The following OXSR1 variants were observed in gnomAD, a reference collection of about 807,000 sequenced individuals.
OXSR1 encodes oxidative stress responsive kinase 1.
Under a neutral mutation model 79.8 loss-of-function variants are expected in OXSR1, and 24 were observed. The observed-to-expected ratio is 0.30, with a 90% confidence interval of 0.22 to 0.42. The LOEUF is 0.42. OXSR1 is among the 10% of genes least tolerant of loss of function. OXSR1 has a pLI of 1.00. For missense variants in OXSR1, 430 were observed against 618.4 expected (o/e 0.70, Z 3.23); for synonymous variants, 226 against 209.2 (o/e 1.08, Z -0.69).
rs1483675226 is a variant in OXSR1 at position 38,200,874 on chromosome 3, C to T, written c.434+2011C>T. Among the ~76,000 whole-genome samples, 8 of 152,208 alleles carry T rather than the reference C, an allele frequency of 5.3e-5. No homozygotes were observed. The East Asian group carries it at 7.7e-4, about 15-fold the overall frequency. On this transcript the variant is annotated intron_variant, in intron 4 of 17. Transcript: ENST00000311806. ...CTTTTCAGAAATGTAGTGATTTATGCGTCTATTAGCAGTACATAAGAATGG... is the reference window on the plus strand; with the variant it reads ...CTTTTCAGAAATGTAGTGATTTATGTGTCTATTAGCAGTACATAAGAATGG...
At chr3:38,199,666 A>G (rs1027726140) in intron 4 of OXSR1, among the ~76,000 whole-genome samples, 16 of 152,110 alleles carry the variant, frequency 1.1e-4, no homozygotes, top group Non-Finnish European at 2.1e-4. Context: ...GGTTCCAATG[A>G]TAATTTGATT....
rs1559529355 is a variant in OXSR1 at position 38,247,656 on chromosome 3, A to G, written c.1258-12A>G. 2 of 1,604,072 alleles carry G rather than the reference A, an allele frequency of 1.2e-6. No individual in the cohort carries two copies. Among genetic ancestry groups the G allele is most frequent in the East Asian group, 2.2e-5 (1 of 44,808 alleles). ...TTCAGGCAATGACTGTATACCTTTCAATGCTTTTTAGGCTTTGTCTTCAGG... is the reference window on the plus strand; with the variant it reads ...TTCAGGCAATGACTGTATACCTTTCGATGCTTTTTAGGCTTTGTCTTCAGG... On this transcript the variant is annotated splice_polypyrimidine_tract_variant and intron_variant, in intron 13 of 17. Coordinates refer to ENST00000311806, the MANE Select transcript of OXSR1 (RefSeq NM_005109.3).
intron 11 of OXSR1, among the ~76,000 whole-genome samples, chr3:38,237,751 G>T (rs1161975656): frequency 6.6e-6 from 1 of 152,142 alleles, no homozygotes. Flanking sequence ...GGCAAAAATC[G>T]ATTAAGCTCT....
Position 38,250,019 on chromosome 3 carries a change from G to T in OXSR1, c.1375+1G>T. 1 of 1,581,504 alleles carries T rather than the reference G, an allele frequency of 6.3e-7. No homozygotes were observed. Among genetic ancestry groups the T allele is most frequent in the Non-Finnish European group, 8.7e-7 (1 of 1,151,912 alleles). On this transcript the variant is annotated splice_donor_variant, in intron 15 of 17. Coordinates refer to ENST00000311806, the MANE Select transcript of OXSR1 (RefSeq NM_005109.3). LOFTEE classifies it high-confidence loss of function. ...CGATTTGAATTTACTCCTGGGAGAG[G>T]TGAGGCATCAAATGGATTGAAAACA...
Position 38,252,911 on chromosome 3 carries a change from C to T in OXSR1, c.*20C>T, listed in dbSNP as rs780315126. On this transcript the variant is annotated 3_prime_UTR_variant, in exon 18 of 18. Transcript: ENST00000311806. ...AGCTAAACCACAACCCTGGAAGAGG[C>T]GGCCTAAGGAGATTCCACACATGCG... The T allele has an allele frequency of 8.7e-6, 14 of 1,603,078 alleles. No individual in the cohort carries two copies. The Middle Eastern group carries it at 6.6e-4, about 76-fold the overall frequency.
At chr3:38,185,401 A>G (rs1701866022) in intron 2 of OXSR1, among the ~76,000 whole-genome samples, 1 of 151,026 alleles carries the variant, frequency 6.6e-6, no homozygotes, top group Non-Finnish European at 1.5e-5. Flanking sequence ...CTTGGCCAAC[A>G]TGGCAAAACC....
At chr3:38,251,353 A>G in intron 15 of OXSR1, 50 bp from the exon 16 acceptor site, 8 of 1,459,388 alleles carry the variant, frequency 5.5e-6, no homozygotes, top group Non-Finnish European at 6.7e-6. Context: ...GAGAGTTAAC[A>G]GTGGCAAGCA....
At chr3:38,181,243 A>C (rs1001041703) in intron 1 of OXSR1, among the ~76,000 whole-genome samples, 4 of 151,918 alleles carry the variant, frequency 2.6e-5, no homozygotes, top group African/African-American at 9.7e-5. Flanking sequence ...CTGTCCAGCA[A>C]ATGTTTTATT....
At chr3:38,221,752 T>C (rs952572302) in intron 6 of OXSR1, 65 bp downstream of exon 6, 1 of 915,426 alleles carries the variant, frequency 1.1e-6, no homozygotes, top group African/African-American at 1.7e-5. Flanking sequence ...AAAAACTTAA[T>C]AGTGCTTGCT....
intron 3 of OXSR1, among the ~76,000 whole-genome samples, chr3:38,196,791 T>C (rs2125818522): frequency 6.6e-6 from 1 of 152,368 alleles, no homozygotes; most frequent in African/African-American, 2.4e-5. Flanking sequence ...TCATGTCATG[T>C]ATATCTTGCC....
chr3:38,220,679 G>A (rs989860485), intron 5 of OXSR1, among the ~76,000 whole-genome samples: 1 of 152,206 alleles, frequency 6.6e-6, no homozygotes, highest in African/African-American at 2.4e-5. Context: ...CCTTCAGGAT[G>A]CTGTTAGCAT....
intron 10 of OXSR1, among the ~76,000 whole-genome samples, chr3:38,232,714 C>G (rs1702836318): frequency 6.6e-6 from 1 of 152,058 alleles, no homozygotes; most frequent in Admixed American, 6.5e-5. Context: ...GAGCCAAGAT[C>G]ATGCCACTGC....
rs529056215 is a variant in OXSR1, at chr3:38,243,807, G to T, written c.1110+1029G>T. On this transcript the variant is annotated intron_variant, in intron 12 of 17. Coordinates refer to ENST00000311806, the MANE Select transcript of OXSR1 (RefSeq NM_005109.3). ...GGCCGATATCTGTTAACTTGTATTAGAACTGTTGTTCACTTATATGTGTGG... is the reference window on the plus strand; with the variant it reads ...GGCCGATATCTGTTAACTTGTATTATAACTGTTGTTCACTTATATGTGTGG... 2.5e-4 allele frequency among the ~76,000 whole-genome samples: 38 copies of T among 152,274 alleles called. No individual in the cohort carries two copies. In the South Asian group the frequency reaches 3.5e-3, roughly 14 times the overall value.
At chr3:38,198,222 T>A (rs1702101136) in intron 3 of OXSR1, among the ~76,000 whole-genome samples, 2 of 152,242 alleles carry the variant, frequency 1.3e-5, no homozygotes, top group South Asian at 2.1e-4. Context: ...TTTATTTCTA[T>A]AATTTATTAA....
chr3:38,248,158 T>C (rs1235507358), intron 14 of OXSR1, among the ~76,000 whole-genome samples: 1 of 152,072 alleles, frequency 6.6e-6, no homozygotes, highest in East Asian at 1.9e-4. Context: ...GTAGATCAAA[T>C]AAAGGCCTTG....
At chr3:38,189,422 A>G (rs1188585217) in intron 2 of OXSR1, among the ~76,000 whole-genome samples, 11 of 152,048 alleles carry the variant, frequency 7.2e-5, no homozygotes, top group African/African-American at 2.4e-4. Context: ...TTTCATATTT[A>G]CTTAGCTTTT....
At chr3:38,219,831 A>G (rs752951860) in intron 5 of OXSR1, among the ~76,000 whole-genome samples, 46 of 150,226 alleles carry the variant, frequency 3.1e-4, no homozygotes, top group Non-Finnish European at 4.2e-4. Context: ...TTTTAGAGAA[A>G]GCGTCTTGCT....
chr3:38,192,462 A>G (rs1274174110), intron 3 of OXSR1, among the ~76,000 whole-genome samples: 2 of 152,320 alleles, frequency 1.3e-5, no homozygotes, highest in South Asian at 2.1e-4. Context: ...TTGGAAATAT[A>G]TTAAAAATAA....
chr3:38,248,048 G>C (rs1468907577), intron 14 of OXSR1, among the ~76,000 whole-genome samples: 1 of 152,098 alleles, frequency 6.6e-6, no homozygotes, highest in East Asian at 1.9e-4. Flanking sequence ...AGTTTTTAGG[G>C]GAGCAGCACT....
Sources: gnomAD v4.1 joint callset for allele counts (sites outside exome capture counted in the v4.1 genomes callset) on GRCh38, gnomAD v4.1.1 for gene constraint, MANE v1.5 for transcripts, NCBI Gene and HGNC (gene_info 2026-07-23, HGNC 2026-07-21) for gene names.